Variants in RALGPS1 observed in about 807,000 individuals in gnomAD.
The protein encoded by RALGPS1 is Ral GEF with PH domain and SH3 binding motif 1.
RALGPS1 carries 19 observed loss-of-function variants against 78.8 expected under a neutral mutation model. The ratio of observed to expected loss-of-function variants is 0.24; its 90% CI spans 0.17 to 0.35. RALGPS1 has a LOEUF of 0.35. Among genes scored for constraint, RALGPS1 ranks in the 10% least tolerant of loss-of-function variants. The probability of loss-of-function intolerance (pLI) is 1.00; values close to 1 mark genes in which losing one functional copy is unlikely to be tolerated. For missense variants in RALGPS1, 454 were observed against 688.3 expected (o/e 0.66, Z 3.81); for synonymous variants, 228 against 256.3 (o/e 0.89, Z 1.06).
intron 8 of RALGPS1, among the ~76,000 whole-genome samples, chr9:127,072,648 AAAG>A (rs2135939362): frequency 6.6e-6 from 1 of 152,336 alleles, no homozygotes; most frequent in East Asian, 1.9e-4. Context: ...GCATGCTGGA[AAAG>A]AAGGTGTAAT....
At chr9:126,935,824 C>T (rs1055566697) in intron 1 of RALGPS1, among the ~76,000 whole-genome samples, 77 of 152,334 alleles carry the variant, frequency 5.1e-4, no homozygotes, top group African/African-American at 1.8e-3. Flanking sequence ...TTGGACTGGA[C>T]TCAAGGTCCG....
chr9:127,189,364 CT>C (rs1451652248), intron 11 of RALGPS1, among the ~76,000 whole-genome samples: 4 of 152,196 alleles, frequency 2.6e-5, no homozygotes, highest in Non-Finnish European at 5.9e-5. Context: ...ATTGCCTCCC[CT>C]GTCTCCATCA....
At chr9:127,147,091 A>G (rs2058139005) in intron 8 of RALGPS1, among the ~76,000 whole-genome samples, 1 of 152,178 alleles carries the variant, frequency 6.6e-6, no homozygotes, top group Non-Finnish European at 1.5e-5. Flanking sequence ...GTGAAATGGT[A>G]TCTTACTGTG....
At chr9:127,185,916 C>T (rs1352889542) in intron 11 of RALGPS1, among the ~76,000 whole-genome samples, 2 of 152,200 alleles carry the variant, frequency 1.3e-5, no homozygotes, top group Non-Finnish European at 2.9e-5. Context: ...GGTCATCATT[C>T]CTGTTTTGCA....
chr9:126,914,899 A>C lies in RALGPS1; in HGVS notation c.-142A>C, dbSNP rs935774672. 1 of 151,606 alleles carries C rather than the reference A, an allele frequency of 6.6e-6. No individual in the cohort carries two copies. Among genetic ancestry groups the C allele is most frequent in the Non-Finnish European group, 1.5e-5 (1 of 67,804 alleles). The allele number at this position is 151,606 out of a possible 1,614,324, so 9.4% of individuals were successfully genotyped here. A position where few individuals can be genotyped will look rare whatever the true frequency, so the allele number is the denominator to read the frequency against. ...CCGGCTCGGCGTGGCCCCGGCCTCC[A>C]AGCGAAGGCGCCGCTGCCGCTGGGC... is the stretch of plus-strand genomic sequence containing the variant. On this transcript the variant is annotated 5_prime_UTR_variant, in exon 1 of 19. Transcript: ENST00000259351.
rs372932149 is a variant in RALGPS1 at position 127,196,637 on chromosome 9, C to T, written c.1195+6C>T. 9 of 1,581,624 alleles carry T rather than the reference C, an allele frequency of 5.7e-6. No individual in the cohort carries two copies. The highest frequency in any genetic ancestry group is 1.8e-5 in the Admixed American group (1 of 54,726). ...CACCAATGGACTCTCCCTAGGTAAGCGTCTCCGGCCTGCACATGATAGGCT... is the reference window on the plus strand; with the variant it reads ...CACCAATGGACTCTCCCTAGGTAAGTGTCTCCGGCCTGCACATGATAGGCT... On this transcript the variant is annotated splice_donor_region_variant and intron_variant, in intron 13 of 18. Transcript: ENST00000259351.
At chr9:127,084,373 C>G (rs1020475862) in intron 8 of RALGPS1, among the ~76,000 whole-genome samples, 1 of 152,180 alleles carries the variant, frequency 6.6e-6, no homozygotes. Context: ...AGCTCGTGCT[C>G]CCTCCCTGGA....
At chr9:127,178,019 G>C in intron 11 of RALGPS1, 2 of 1,522,076 alleles carry the variant, frequency 1.3e-6, no homozygotes. Flanking sequence ...ATAAAGCATG[G>C]CGAGGCACCC....
At position 127,069,210 on chromosome 9, in the gene RALGPS1, A is replaced by G. The variant is rs184964402; in HGVS notation, c.484-20A>G. On this transcript the variant is annotated intron_variant, in intron 7 of 18. Coordinates refer to ENST00000259351, the MANE Select transcript of RALGPS1 (RefSeq NM_014636.3). ...CTTCTTCTGGTTTACTTATTTTGCT[A>G]TATTTTCTTCTCATTCTAGCTTTTA... 5.2e-5 allele frequency: 82 copies of G among 1,586,762 alleles called. 1 individual carries two copies. Among genetic ancestry groups the G allele is most frequent in the East Asian group, 6.7e-5 (3 of 44,730 alleles).
intron 8 of RALGPS1, among the ~76,000 whole-genome samples, chr9:127,084,532 C>A (rs1307146274): frequency 2.0e-5 from 3 of 152,184 alleles, no homozygotes; most frequent in African/African-American, 7.2e-5. Flanking sequence ...TCCCACTGCT[C>A]TTTGTGCCCC....
In RALGPS1 at chr9:127,166,706, T is replaced by C. The variant is rs1461178427; in HGVS notation, c.748+500T>C. 3.9e-5 allele frequency among the ~76,000 whole-genome samples: 6 copies of C among 152,128 alleles called. No homozygotes were observed. In the East Asian group the frequency reaches 1.2e-3, roughly 29 times the overall value. ...GCTTGCAAGCAGTGCAGGCCACTTT[T>C]GCTGACAGGGGCTAGGAGATATAAT... On this transcript the variant is annotated intron_variant, in intron 9 of 18. Transcript: ENST00000259351.
At chr9:127,152,676 C>A (rs1326203596) in intron 8 of RALGPS1, among the ~76,000 whole-genome samples, 1 of 152,144 alleles carries the variant, frequency 6.6e-6, no homozygotes, top group Non-Finnish European at 1.5e-5. Context: ...TTCTTAGATC[C>A]TAGCACTAAG....
chr9:127,115,791 A>T (rs544243622), intron 8 of RALGPS1, among the ~76,000 whole-genome samples: 7 of 152,258 alleles, frequency 4.6e-5, no homozygotes, highest in Non-Finnish European at 7.3e-5. Context: ...TTGATCACGC[A>T]AGTGGTAAGA....
At position 127,173,025 on chromosome 9, in the gene RALGPS1, G is replaced by A. The variant is rs936302110; in HGVS notation, c.843-1690G>A. On this transcript the variant is annotated intron_variant, in intron 10 of 18. Transcript: ENST00000259351. ...TCTGGCCCTCCTCCCATGTGTGTGA[G>A]GGGGGAAACCCTTACTGCTAGCTGG... Among the ~76,000 whole-genome samples, 21 of 152,268 alleles carry A rather than the reference G, an allele frequency of 1.4e-4. No individual in the cohort carries two copies. In the South Asian group the frequency reaches 1.7e-3, roughly 12 times the overall value.
chr9:127,181,194 G>A (rs1292978035), intron 11 of RALGPS1, among the ~76,000 whole-genome samples: 1 of 152,234 alleles, frequency 6.6e-6, no homozygotes, highest in African/African-American at 2.4e-5. Flanking sequence ...TTGTGGACAG[G>A]TTTTAAAGCC....
At chr9:127,055,208 A>ATCTGTCTGTCTGTCTG (rs1554809728) in intron 7 of RALGPS1, among the ~76,000 whole-genome samples, 200 of 92,052 alleles carry the variant, frequency 2.2e-3, no homozygotes, top group African/African-American at 8.0e-3. Flanking sequence ...TTTTCTATCT[A>ATCTGTCTGTCTGTCTG]TCTATCTGTC....
intron 4 of RALGPS1, among the ~76,000 whole-genome samples, chr9:126,979,241 ATGTG>A (rs57264470): frequency 0.082 from 12,084 of 146,710 alleles, 1,442 homozygotes; most frequent in African/African-American, 0.28. Flanking sequence ...TTGTATTATT[ATGTG>A]TGTGTGTGTG....
intron 8 of RALGPS1, among the ~76,000 whole-genome samples, chr9:127,101,280 C>G (rs1175251223): frequency 6.6e-6 from 1 of 152,234 alleles, no homozygotes; most frequent in Non-Finnish European, 1.5e-5. Flanking sequence ...AAAGCCAGGG[C>G]TCAAGAGGAT....
Position 127,157,389 on chromosome 9 carries a change from A to G in RALGPS1, c.611-8680A>G, listed in dbSNP as rs72764397. ...TGTTACATTCTCATTGCAACAACTC[A>G]GATACAAAGAGATGTAGATAAAAGG... On this transcript the variant is annotated intron_variant, in intron 8 of 18. Transcript: ENST00000259351. 3.8e-3 allele frequency among the ~76,000 whole-genome samples: 572 copies of G among 152,220 alleles called. 2 individuals carry two copies. Among genetic ancestry groups the G allele is most frequent in the Non-Finnish European group, 6.2e-3 (421 of 67,924 alleles).
Sources: gnomAD v4.1 joint callset for allele counts (sites outside exome capture counted in the v4.1 genomes callset) on GRCh38, gnomAD v4.1.1 for gene constraint, MANE v1.5 for transcripts, NCBI Gene and HGNC (gene_info 2026-07-23, HGNC 2026-07-21) for gene names.